The following REEP1 variants were observed in gnomAD, a reference collection of about 807,000 sequenced individuals.
REEP1 encodes receptor expression-enhancing protein 1.
Under a neutral mutation model 40.3 loss-of-function variants are expected in REEP1, and 22 were observed. The observed-to-expected ratio is 0.55, with a 90% CI of 0.39 to 0.78. The LOEUF (loss-of-function observed/expected upper bound fraction) is 0.78, where lower values mean the gene tolerates loss of function less well. Ranked by LOEUF, REEP1 falls within the 30% of genes least tolerant of loss-of-function variation. The pLI is 0.00. For synonymous variants in REEP1, 116 were observed against 139.2 expected (o/e 0.83, Z 1.17); for missense variants, 280 against 361.1 (o/e 0.78, Z 1.82).
chr2:86,305,940 T>A (rs1679460945), intron 1 of REEP1, among the ~76,000 whole-genome samples: 1 of 152,232 alleles, frequency 6.6e-6, no homozygotes, highest in South Asian at 2.1e-4. Context: ...ACTCGCCTGC[T>A]CGTAACCTTT....
chr2:86,329,416 T>C (rs372376167), intron 1 of REEP1, among the ~76,000 whole-genome samples: 11 of 152,206 alleles, frequency 7.2e-5, no homozygotes, highest in African/African-American at 2.7e-4. Context: ...CAAAAGGTTC[T>C]TGGCTGGGCA....
chr2:86,275,136 T>C (rs1345304782), intron 2 of REEP1, among the ~76,000 whole-genome samples: 1 of 152,038 alleles, frequency 6.6e-6, no homozygotes, highest in Non-Finnish European at 1.5e-5. Flanking sequence ...CCCTGTGCCA[T>C]ATGACAGAAA....
chr2:86,244,184 T>A lies in REEP1; in HGVS notation c.417+7773A>T, dbSNP rs1292030714. Among the ~76,000 whole-genome samples, 4 of 152,332 alleles carry A rather than the reference T, an allele frequency of 2.6e-5. No homozygotes were observed. The East Asian group carries it at 7.7e-4, about 29-fold the overall frequency. ...GTCAGAAACCCCAAATCACTGGGCT[T>A]ATGAACTTCCTCAAATGAGCTTTTG... On this transcript the variant is annotated intron_variant, in intron 5 of 8. Coordinates refer to ENST00000538924, the MANE Select transcript of REEP1 (RefSeq NM_001371279.1).
At chr2:86,333,436 AT>A (rs1680865523) in intron 1 of REEP1, among the ~76,000 whole-genome samples, 1 of 152,194 alleles carries the variant, frequency 6.6e-6, no homozygotes, top group African/African-American at 2.4e-5. Flanking sequence ...ATTTTTTAAA[AT>A]GTGCAATGTG....
intron 6 of REEP1, among the ~76,000 whole-genome samples, chr2:86,232,279 A>G (rs1215871264): frequency 6.6e-6 from 1 of 152,180 alleles, no homozygotes; most frequent in East Asian, 1.9e-4. Flanking sequence ...AGAAGACAAC[A>G]CAGAAGGCTC....
Position 86,328,264 on chromosome 2 carries a change from C to T in REEP1, c.32+9215G>A, listed in dbSNP as rs537423585. 2.0e-5 allele frequency among the ~76,000 whole-genome samples: 3 copies of T among 152,364 alleles called. No homozygotes were observed. The South Asian group carries it at 6.2e-4, about 32-fold the overall frequency. ...CTCAAGGTGGGTTGTATTCCCTCTC[C>T]TCTGAGCAGCGTGACCCACTCAGCC... is the stretch of plus-strand genomic sequence containing the variant. On this transcript the variant is annotated intron_variant, in intron 1 of 8. Coordinates refer to ENST00000538924, the MANE Select transcript of REEP1 (RefSeq NM_001371279.1).
intron 7 of REEP1, among the ~76,000 whole-genome samples, chr2:86,221,782 C>T (rs1306296904): frequency 1.3e-5 from 2 of 152,170 alleles, no homozygotes; most frequent in African/African-American, 4.8e-5. Context: ...TCTCAGAGAG[C>T]TCAGCTCTAG....
rs377637314 is a variant in REEP1, at chr2:86,217,057, C to A, written c.837G>T (p.Ser279=). Residue 279 remains serine, a synonymous_variant, in exon 9 of 9, where the codon TCG becomes TCT. Transcript: ENST00000538924. ...ATCTCACTCACGTGGTTTCGGTGGC[C>A]GAGGATGAGGTACTTTTCTTCCTGA... ...SRFRKKSTSS[S]ATETT 1,242 of 1,613,806 alleles carry A rather than the reference C, an allele frequency of 7.7e-4. 2 individuals are homozygous for A. The highest frequency in any genetic ancestry group is 1.1e-3 in the South Asian group (96 of 91,058).
At chr2:86,297,082 C>T (rs1679021132) in intron 1 of REEP1, among the ~76,000 whole-genome samples, 1 of 152,202 alleles carries the variant, frequency 6.6e-6, no homozygotes, top group African/African-American at 2.4e-5. Flanking sequence ...TGAGGGCCTA[C>T]TCCAGGCAGG....
chr2:86,252,975 T>C (rs1676365473), intron 4 of REEP1, among the ~76,000 whole-genome samples: 1 of 152,192 alleles, frequency 6.6e-6, no homozygotes, highest in African/African-American at 2.4e-5. Context: ...TTGTTGTCAT[T>C]GTTTTAAGAA....
At chr2:86,263,541 T>A (rs189262757) in intron 3 of REEP1, among the ~76,000 whole-genome samples, 8 of 152,250 alleles carry the variant, frequency 5.3e-5, no homozygotes, top group African/African-American at 1.7e-4. Context: ...ACCTAGGCCA[T>A]ATATTAGTTT....
At chr2:86,302,528 C>T (rs1679297726) in intron 1 of REEP1, among the ~76,000 whole-genome samples, 1 of 152,090 alleles carries the variant, frequency 6.6e-6, no homozygotes, top group Non-Finnish European at 1.5e-5. Flanking sequence ...GGAATCTATC[C>T]AAAAGAAATC....
At chr2:86,271,969 C>T (rs10206664) in intron 2 of REEP1, among the ~76,000 whole-genome samples, 6,360 of 152,222 alleles carry the variant, frequency 0.042, 459 homozygotes, top group African/African-American at 0.14. Flanking sequence ...ACGCCTGTAA[C>T]GCCAGCACTT....
At chr2:86,229,094 T>C (rs1674874944) in intron 6 of REEP1, among the ~76,000 whole-genome samples, 1 of 152,230 alleles carries the variant, frequency 6.6e-6, no homozygotes, top group African/African-American at 2.4e-5. Context: ...CCCTGCCACC[T>C]GTCCAGGGTT....
chr2:86,220,374 G>A (rs1674351196), intron 7 of REEP1, among the ~76,000 whole-genome samples: 1 of 152,172 alleles, frequency 6.6e-6, no homozygotes, highest in South Asian at 2.1e-4. Flanking sequence ...AGAATCTACT[G>A]AATTCTGAGT....
At chr2:86,334,805 G>C (rs1680936582) in intron 1 of REEP1, among the ~76,000 whole-genome samples, 1 of 152,148 alleles carries the variant, frequency 6.6e-6, no homozygotes, top group Non-Finnish European at 1.5e-5. Flanking sequence ...CCCTCTCATA[G>C]GGTTCCCGGG....
chr2:86,245,043 G>A (rs1388531330), intron 5 of REEP1, among the ~76,000 whole-genome samples: 4 of 152,208 alleles, frequency 2.6e-5, no homozygotes, highest in African/African-American at 9.6e-5. Flanking sequence ...CTACTCGGGA[G>A]GCTGAGGCAG....
At position 86,337,334 on chromosome 2, in the gene REEP1, G is replaced by T; in HGVS notation, c.32+145C>A. On this transcript the variant is annotated intron_variant, in intron 1 of 8. Coordinates refer to ENST00000538924, the MANE Select transcript of REEP1 (RefSeq NM_001371279.1). This position sits in a 1 kb window ranked among gnomAD's most constrained non-coding sequence, Gnocchi z 5.8. ...CGCCCGTCCGCCCGCAGGCGTCCTC[G>T]GCGGCTACTGTACCTGCTAAATTTA... 4 of 449,452 alleles carry T rather than the reference G, an allele frequency of 8.9e-6. No homozygotes were observed. The highest frequency in any genetic ancestry group is 1.4e-5 in the Non-Finnish European group (4 of 294,254). The allele number at this position is 449,452 out of a possible 1,614,324, so 27.8% of individuals were successfully genotyped here. A position where few individuals can be genotyped will look rare whatever the true frequency, so the allele number is the denominator to read the frequency against.
chr2:86,252,197 T>C, intron 4 of REEP1, 127 bp from the exon 5 acceptor site: 1 of 746,150 alleles, frequency 1.3e-6, no homozygotes, highest in Non-Finnish European at 2.4e-6. Flanking sequence ...CCTGAAAAGC[T>C]GTAGGCACTT....
Sources: gnomAD v4.1 joint callset for allele counts (sites outside exome capture counted in the v4.1 genomes callset) on GRCh38, gnomAD v4.1.1 for gene constraint, Gnocchi (gnomAD v3.1) non-coding constraint, MANE v1.5 for transcripts, NCBI Gene and HGNC (gene_info 2026-07-23, HGNC 2026-07-21) for gene names.